Variants in TMEM232 observed in about 807,000 individuals in gnomAD.
TMEM232 encodes the protein transmembrane protein 232.
A neutral mutation model predicts 78.8 loss-of-function variants in TMEM232; 80 were observed. That is an observed-to-expected ratio of 1.01 (90% CI 0.85 to 1.22). The LOEUF (loss-of-function observed/expected upper bound fraction) is 1.22, where lower values mean the gene tolerates loss of function less well. TMEM232 is among the 50% of genes most tolerant of loss of function. The probability of loss-of-function intolerance (pLI) is 0.00; values close to 1 mark genes in which losing one functional copy is unlikely to be tolerated. For synonymous variants in TMEM232, 297 were observed against 254.3 expected (o/e 1.17, Z -1.60); for missense variants, 881 against 742.2 (o/e 1.19, Z -2.17).
intron 1 of TMEM232, among the ~76,000 whole-genome samples, chr5:110,678,537 A>G (rs572280619): frequency 3.3e-5 from 5 of 152,312 alleles, no homozygotes; most frequent in African/African-American, 1.2e-4. Context: ...ATAATTACCC[A>G]AAGTCCATAG....
chr5:110,536,042 A>G (rs1009188566), intron 11 of TMEM232, among the ~76,000 whole-genome samples: 1 of 152,196 alleles, frequency 6.6e-6, no homozygotes, highest in African/African-American at 2.4e-5. Context: ...CTTTACTTGC[A>G]TAGGATTTGG....
Position 110,606,200 on chromosome 5 carries a change from TCTCA to T in TMEM232, c.986_989del (p.Val329GlufsTer19), listed in dbSNP as rs1354253462. 3 of 1,548,430 alleles carry T rather than the reference TCTCA, an allele frequency of 1.9e-6. No homozygotes were observed. In the East Asian group the frequency reaches 7.3e-5, roughly 38 times the overall value. On this transcript the variant is annotated frameshift_variant, in exon 9 of 14. Transcript: ENST00000455884. LOFTEE classifies it high-confidence loss of function. ...CAGACATAATGCTTGAAACAAAATC[TCTCA>T]CTACGTCCATTAAAGCTTTCAAGCA...
chr5:110,572,208 T>G (rs1777031776), intron 10 of TMEM232, among the ~76,000 whole-genome samples: 1 of 152,014 alleles, frequency 6.6e-6, no homozygotes, highest in Non-Finnish European at 1.5e-5. Flanking sequence ...AAATATTATT[T>G]GGAAAATGTG....
At chr5:110,650,353 T>C (rs984244482) in intron 2 of TMEM232, among the ~76,000 whole-genome samples, 1 of 152,048 alleles carries the variant, frequency 6.6e-6, no homozygotes, top group Non-Finnish European at 1.5e-5. Flanking sequence ...GAAGTAGAAA[T>C]TGATACAAAT....
intron 12 of TMEM232, among the ~76,000 whole-genome samples, chr5:110,471,634 C>CA (rs967513284): frequency 8.0e-5 from 12 of 149,550 alleles, no homozygotes; most frequent in South Asian, 4.2e-4. Context: ...AAAAAGAAGA[C>CA]AAAAAAAACC....
chr5:110,631,512 C>A (rs1420638618), intron 5 of TMEM232, among the ~76,000 whole-genome samples: 1 of 152,082 alleles, frequency 6.6e-6, no homozygotes, highest in Non-Finnish European at 1.5e-5. Flanking sequence ...CATAGGGATT[C>A]TCTCTCCCCC....
chr5:110,583,982 A>AAG (rs918253564), intron 10 of TMEM232, among the ~76,000 whole-genome samples: 6 of 151,086 alleles, frequency 4.0e-5, no homozygotes, highest in South Asian at 2.1e-4. Context: ...AAAAAAAAAA[A>AAG]AAGAAGAAAA....
chr5:110,667,440 A>G, intron 1 of TMEM232, 76 bp from the exon 2 acceptor site: 2 of 1,217,064 alleles, frequency 1.6e-6, no homozygotes, highest in Non-Finnish European at 2.2e-6. Flanking sequence ...CAAATTCATT[A>G]TTTTTGGAAA....
intron 8 of TMEM232, among the ~76,000 whole-genome samples, chr5:110,607,977 A>G (rs1192743213): frequency 2.6e-5 from 4 of 151,916 alleles, no homozygotes; most frequent in African/African-American, 9.7e-5. Flanking sequence ...TCAGCACTGC[A>G]CTACTTGTCA....
intron 1 of TMEM232, chr5:110,720,759 G>A (rs1391882042): frequency 6.6e-6 from 1 of 152,046 alleles, no homozygotes; most frequent in African/African-American, 2.4e-5. Context: ...TTCTGGACTA[G>A]AAGCTTGACT....
intron 1 of TMEM232, among the ~76,000 whole-genome samples, chr5:110,682,386 A>T (rs1355440644): frequency 6.7e-6 from 1 of 148,552 alleles, no homozygotes; most frequent in East Asian, 2.0e-4. Context: ...ATGAAAGGTT[A>T]AAAAAAAAAC....
rs946491305 is a variant in TMEM232, at chr5:110,596,967, A to C, written c.1276+8142T>G. On this transcript the variant is annotated intron_variant, in intron 10 of 13. Coordinates refer to ENST00000455884, the MANE Select transcript of TMEM232 (RefSeq NM_001039763.4). ...TGAAAACTGGCACAAGATAGGGATG[A>C]CCTCTCTCACCCCTCCTATTCAACA... Among the ~76,000 whole-genome samples, 348 of 152,004 alleles carry C rather than the reference A, an allele frequency of 2.3e-3. 1 individual carries two copies. Among genetic ancestry groups the C allele is most frequent in the African/African-American group, 8.0e-3 (332 of 41,454 alleles).
chr5:110,639,585 A>G (rs1308381188), intron 4 of TMEM232, among the ~76,000 whole-genome samples: 1 of 152,170 alleles, frequency 6.6e-6, no homozygotes, highest in South Asian at 2.1e-4. Context: ...GGAACAAGGA[A>G]GAGTATAGGC....
intron 12 of TMEM232, among the ~76,000 whole-genome samples, chr5:110,518,236 C>T (rs1439503709): frequency 6.6e-6 from 1 of 151,880 alleles, no homozygotes; most frequent in African/African-American, 2.4e-5. Flanking sequence ...CTTTCCCTTG[C>T]TTTTTCTTAA....
intron 11 of TMEM232, among the ~76,000 whole-genome samples, chr5:110,543,716 G>T (rs1010187799): frequency 6.6e-6 from 1 of 152,024 alleles, no homozygotes; most frequent in Non-Finnish European, 1.5e-5. Context: ...TCTTCCCTAG[G>T]ACAGAGCACT....
At chr5:110,620,206 T>G (rs1281515763) in intron 7 of TMEM232, among the ~76,000 whole-genome samples, 2 of 152,298 alleles carry the variant, frequency 1.3e-5, no homozygotes, top group East Asian at 3.9e-4. Flanking sequence ...AAGCATCCTC[T>G]CATGTCTGGG....
At chr5:110,541,235 C>T (rs938265666) in intron 11 of TMEM232, among the ~76,000 whole-genome samples, 1 of 152,130 alleles carries the variant, frequency 6.6e-6, no homozygotes, top group Non-Finnish European at 1.5e-5. Flanking sequence ...GCAGGTCTGT[C>T]AAGCCTGCTC....
At chr5:110,585,140 A>C (rs1001959052) in intron 10 of TMEM232, among the ~76,000 whole-genome samples, 1 of 152,136 alleles carries the variant, frequency 6.6e-6, no homozygotes, top group Non-Finnish European at 1.5e-5. Context: ...AGACCTTTAC[A>C]TGGTAAAAAG....
At chr5:110,668,407 C>T (rs984922750) in intron 1 of TMEM232, among the ~76,000 whole-genome samples, 2 of 152,118 alleles carry the variant, frequency 1.3e-5, no homozygotes, top group South Asian at 2.1e-4. Flanking sequence ...ACTCTCCTTG[C>T]GTGCTCCATT....
Sources: allele counts gnomAD v4.1 joint callset (sites outside exome capture counted in the v4.1 genomes callset), GRCh38; gene constraint gnomAD v4.1.1; transcripts MANE v1.5; gene names NCBI Gene and HGNC (gene_info 2026-07-23, HGNC 2026-07-21).